TEC: variants seen among roughly 807,000 people sequenced by gnomAD.
TEC encodes the protein tec protein tyrosine kinase.
In TEC, 72 loss-of-function variants were observed where a neutral mutation model predicts 93.0. The observed-to-expected ratio is 0.77, with a 90% CI of 0.64 to 0.94. The LOEUF (loss-of-function observed/expected upper bound fraction) is 0.94. TEC is among the 40% of genes least tolerant of loss of function. The pLI, the probability that TEC is intolerant of heterozygous loss-of-function variation, is 0.00. For missense variants in TEC, 630 were observed against 757.9 expected (o/e 0.83, Z 1.98); for synonymous variants, 249 against 247.7 (o/e 1.01, Z -0.05).
chr4:48,242,634 G>A (rs1723948781), intron 1 of TEC, among the ~76,000 whole-genome samples: 2 of 152,156 alleles, frequency 1.3e-5, no homozygotes. Flanking sequence ...ACAACTTACA[G>A]GATCCTTTTT....
At chr4:48,200,255 G>A (rs1470899088) in intron 2 of TEC, among the ~76,000 whole-genome samples, 2 of 147,268 alleles carry the variant, frequency 1.4e-5, no homozygotes, top group African/African-American at 2.5e-5. Flanking sequence ...TACCTTCGAG[G>A]AACTGAAAAA....
intron 3 of TEC, among the ~76,000 whole-genome samples, chr4:48,173,155 C>T (rs76308190): frequency 0.011 from 1,674 of 152,008 alleles, 25 homozygotes; most frequent in African/African-American, 0.038. Context: ...GATATTTAAC[C>T]CCCAAATATC....
intron 1 of TEC, among the ~76,000 whole-genome samples, chr4:48,236,244 T>A (rs1484901589): frequency 6.6e-6 from 1 of 152,144 alleles, no homozygotes; most frequent in East Asian, 1.9e-4. Context: ...GGATTCCAGC[T>A]TTCTCTCCTA....
At position 48,145,389 on chromosome 4, in the gene TEC, A is replaced by G; in HGVS notation, c.1253+19T>C. On this transcript the variant is annotated intron_variant, in intron 13 of 17. Coordinates refer to ENST00000381501, the MANE Select transcript of TEC (RefSeq NM_003215.3). ...TTCTTAATACAAAAAGATGAGCCAGAAAGATGATAGCAACTTACATCATCA... is the reference window on the plus strand; with the variant it reads ...TTCTTAATACAAAAAGATGAGCCAGGAAGATGATAGCAACTTACATCATCA... 6.2e-7 allele frequency: 1 copy of G among 1,613,640 alleles called. No homozygotes were observed. Among genetic ancestry groups the G allele is most frequent in the Non-Finnish European group, 8.5e-7 (1 of 1,179,548 alleles).
chr4:48,191,083 C>A (rs1473919844), intron 2 of TEC, among the ~76,000 whole-genome samples: 1 of 152,104 alleles, frequency 6.6e-6, no homozygotes, highest in Non-Finnish European at 1.5e-5. Context: ...GCTCTGTGGC[C>A]CCATGCAAAT....
rs1294920173 is a variant in TEC, at chr4:48,236,618, T to C, written c.-45-7959A>G. 2.6e-5 allele frequency among the ~76,000 whole-genome samples: 4 copies of C among 152,164 alleles called. No homozygotes were observed. The East Asian group carries it at 5.8e-4, about 22-fold the overall frequency. On this transcript the variant is annotated intron_variant, in intron 1 of 17. Transcript: ENST00000381501. ...TTTTAAATAAAACTCGACTGCAACATAAACCCCTTTTCTATCTCATTGGAG... is the reference window on the plus strand; with the variant it reads ...TTTTAAATAAAACTCGACTGCAACACAAACCCCTTTTCTATCTCATTGGAG...
intron 8 of TEC, 27 bp from the exon 9 acceptor site, chr4:48,156,761 G>T (rs1303798070): frequency 1.3e-6 from 2 of 1,572,852 alleles, no homozygotes; most frequent in Non-Finnish European, 1.7e-6. Context: ...ATACATTTCA[G>T]GCCTCAGGTT....
At chr4:48,153,516 C>A (rs370038756) in intron 9 of TEC, 1 of 152,198 alleles carries the variant, frequency 6.6e-6, no homozygotes, top group Admixed American at 6.5e-5. Flanking sequence ...ACTCCCACTG[C>A]GTCACTTGAT....
intron 7 of TEC, 43 bp from the exon 8 acceptor site, chr4:48,163,810 GA>G (rs1577712720): frequency 4.1e-6 from 4 of 973,958 alleles, no homozygotes; most frequent in Non-Finnish European, 4.5e-6. Flanking sequence ...ACTTTACTGG[GA>G]GGTTATTGAA....
intron 3 of TEC, among the ~76,000 whole-genome samples, chr4:48,172,777 T>A (rs995414112): frequency 1.3e-5 from 2 of 152,194 alleles, no homozygotes; most frequent in African/African-American, 4.8e-5. Context: ...ATCAGAGCGA[T>A]AAAGTGCTAA....
intron 1 of TEC, among the ~76,000 whole-genome samples, chr4:48,252,089 AAT>A (rs968528794): frequency 7.2e-5 from 11 of 152,192 alleles, no homozygotes; most frequent in African/African-American, 2.7e-4. Flanking sequence ...AACAGCCTAA[AAT>A]GGAAGCTTTG....
chr4:48,164,782 A>T (rs1720813951), intron 7 of TEC, among the ~76,000 whole-genome samples: 1 of 152,182 alleles, frequency 6.6e-6, no homozygotes, highest in Admixed American at 6.5e-5. Context: ...CAAGCAGATC[A>T]CTTGAGGCCA....
intron 2 of TEC, among the ~76,000 whole-genome samples, chr4:48,195,459 G>T (rs1384100368): frequency 6.6e-6 from 1 of 152,238 alleles, no homozygotes; most frequent in Middle Eastern, 3.4e-3. Flanking sequence ...TTGTGGTAAA[G>T]TGCACACTGG....
intron 2 of TEC, among the ~76,000 whole-genome samples, chr4:48,224,960 G>C (rs1723393842): frequency 6.6e-6 from 1 of 152,102 alleles, no homozygotes; most frequent in South Asian, 2.1e-4. Flanking sequence ...ATAAATCATA[G>C]TTATTAGATC....
intron 1 of TEC, among the ~76,000 whole-genome samples, chr4:48,233,815 C>CA (rs1560420208): frequency 7.6e-6 from 1 of 131,286 alleles, no homozygotes; most frequent in Non-Finnish European, 1.8e-5. Flanking sequence ...AGAAACTCTC[C>CA]CAAAAAAAAA....
intron 1 of TEC, among the ~76,000 whole-genome samples, chr4:48,268,042 C>G (rs1724685036): frequency 6.6e-6 from 1 of 152,252 alleles, no homozygotes; most frequent in Non-Finnish European, 1.5e-5. Context: ...ACCCTTCCAA[C>G]CTCCCTATCA....
Position 48,138,978 on chromosome 4 carries a change from A to C in TEC, c.1580T>G (p.Phe527Cys). 6.2e-7 allele frequency: 1 copy of C among 1,614,214 alleles called. No individual in the cohort carries two copies. Among genetic ancestry groups the C allele is most frequent in the South Asian group, 1.1e-5 (1 of 91,082 alleles). ...DQYTSSSGAK[F>C]PVKWCPPEVF... ...TTCAGGTGGACACCACTTCACAGGA[A>C]ACTTAGCACCAGAAGAACTTGTGTA... The change falls in exon 16 of 18, where the codon TTT (phenylalanine) becomes TGT (cysteine). Residue 527 changes from phenylalanine (F) to cysteine (C), a missense_variant. Coordinates refer to ENST00000381501, the MANE Select transcript of TEC (RefSeq NM_003215.3).
chr4:48,225,842 G>A (rs1723441474), intron 2 of TEC, among the ~76,000 whole-genome samples: 1 of 152,066 alleles, frequency 6.6e-6, no homozygotes, highest in African/African-American at 2.4e-5. Context: ...AAACCAGAAG[G>A]GATCAAAACG....
chr4:48,171,580 C>T, intron 3 of TEC, 131 bp from the exon 4 acceptor site: 1 of 580,508 alleles, frequency 1.7e-6, no homozygotes. Context: ...ACTTCATATC[C>T]AGAAAACCCA....
Sources: gnomAD v4.1 joint callset for allele counts (sites outside exome capture counted in the v4.1 genomes callset) on GRCh38, gnomAD v4.1.1 for gene constraint, MANE v1.5 for transcripts, NCBI Gene and HGNC (gene_info 2026-07-23, HGNC 2026-07-21) for gene names.